Variants in PARM1 observed in about 807,000 individuals in gnomAD.
The protein encoded by PARM1 is WSC4, cell wall integrity and stress response component 4 homolog.
A neutral mutation model predicts 24.6 loss-of-function variants in PARM1; 14 were observed. The ratio of observed to expected loss-of-function variants is 0.57; its 90% CI spans 0.38 to 0.89. The LOEUF is 0.89. Among genes scored for constraint, PARM1 ranks in the 40% least tolerant of loss-of-function variants. The probability of loss-of-function intolerance (pLI) is 0.00; values close to 1 mark genes in which losing one functional copy is unlikely to be tolerated. For missense variants in PARM1, 362 were observed against 380.4 expected, an observed-to-expected ratio of 0.95 and a Z score of 0.40; for synonymous variants, 179 against 156.6, an observed-to-expected ratio of 1.14 and a Z score of -1.07.
chr4:74,997,527 C>T (rs1289009150), intron 1 of PARM1, among the ~76,000 whole-genome samples: 3 of 152,120 alleles, frequency 2.0e-5, no homozygotes, highest in Admixed American at 6.5e-5. Flanking sequence ...AGCTGCTTGA[C>T]ATTGAATTAG....
intron 1 of PARM1, among the ~76,000 whole-genome samples, chr4:74,985,780 T>G (rs1439733054): frequency 1.3e-5 from 2 of 152,180 alleles, no homozygotes; most frequent in East Asian, 3.9e-4. Flanking sequence ...GTTTTTGTTT[T>G]GTTTTTGAGA....
At chr4:75,009,883 A>G (rs1317095208) in intron 1 of PARM1, among the ~76,000 whole-genome samples, 1 of 152,244 alleles carries the variant, frequency 6.6e-6, no homozygotes, top group East Asian at 1.9e-4. Context: ...ATAAATAAAT[A>G]TGTAATTTCA....
chr4:74,990,870 A>C (rs897240198), intron 1 of PARM1, among the ~76,000 whole-genome samples: 1 of 152,178 alleles, frequency 6.6e-6, no homozygotes, highest in African/African-American at 2.4e-5. Context: ...AGCTGAAGCC[A>C]TCAGATTGGA....
intron 1 of PARM1, among the ~76,000 whole-genome samples, chr4:74,964,870 G>A (rs1402199480): frequency 6.6e-6 from 1 of 152,168 alleles, no homozygotes; most frequent in Non-Finnish European, 1.5e-5. Context: ...AAAATTACCT[G>A]TCCTTATAAG....
At chr4:74,973,630 C>T (rs1046530347) in intron 1 of PARM1, among the ~76,000 whole-genome samples, 12 of 151,980 alleles carry the variant, frequency 7.9e-5, no homozygotes, top group Non-Finnish European at 1.8e-4. Context: ...TTCCCAGGAC[C>T]CTCTTGCAGC....
chr4:74,973,802 G>T (rs1285835876), intron 1 of PARM1, among the ~76,000 whole-genome samples: 5 of 152,044 alleles, frequency 3.3e-5, no homozygotes, highest in Non-Finnish European at 7.4e-5. Context: ...AGGACACTGG[G>T]ATCCTGTATT....
chr4:74,934,612 G>T (rs1262015166), intron 1 of PARM1, among the ~76,000 whole-genome samples: 1 of 152,204 alleles, frequency 6.6e-6, no homozygotes, highest in African/African-American at 2.4e-5. Flanking sequence ...ACGCGTCCGC[G>T]GACAGTTCCC....
chr4:74,947,580 A>C (rs1216590746), intron 1 of PARM1, among the ~76,000 whole-genome samples: 2 of 152,220 alleles, frequency 1.3e-5, no homozygotes, highest in Non-Finnish European at 1.5e-5. Flanking sequence ...AATATTTTCA[A>C]TATGATAATA....
At chr4:74,975,511 A>G (rs1722126847) in intron 1 of PARM1, among the ~76,000 whole-genome samples, 1 of 152,244 alleles carries the variant, frequency 6.6e-6, no homozygotes, top group South Asian at 2.1e-4. Flanking sequence ...TTTGCCAGAA[A>G]TTTTACCAAA....
intron 1 of PARM1, among the ~76,000 whole-genome samples, chr4:74,944,925 G>A (rs1560771513): frequency 6.6e-6 from 1 of 152,140 alleles, no homozygotes; most frequent in African/African-American, 2.4e-5. Context: ...TCAAAGTCCT[G>A]TTTGTTTGCT....
At chr4:75,011,188 A>G (rs1722862463) in intron 1 of PARM1, among the ~76,000 whole-genome samples, 2 of 152,206 alleles carry the variant, frequency 1.3e-5, no homozygotes, top group Admixed American at 1.3e-4. Context: ...TGGCATTTAC[A>G]TCTCAACCTG....
At chr4:75,004,305 C>T (rs1385853462) in intron 1 of PARM1, among the ~76,000 whole-genome samples, 25 of 152,190 alleles carry the variant, frequency 1.6e-4, no homozygotes, top group Admixed American at 1.6e-3. Flanking sequence ...ATTATCAGGG[C>T]TCCTAGCCTG....
chr4:74,967,768 C>G (rs1201823938), intron 1 of PARM1: 2 of 152,146 alleles, frequency 1.3e-5, no homozygotes, highest in African/African-American at 4.8e-5. Context: ...TGTGGTTTTT[C>G]CTTGGGGAAT....
At chr4:74,988,178 A>T (rs1489784364) in intron 1 of PARM1, among the ~76,000 whole-genome samples, 1 of 152,178 alleles carries the variant, frequency 6.6e-6, no homozygotes, top group Non-Finnish European at 1.5e-5. Context: ...ACACAACTGT[A>T]GGAGAGGTGG....
chr4:75,001,036 T>A (rs1011535173), intron 1 of PARM1, among the ~76,000 whole-genome samples: 1 of 152,216 alleles, frequency 6.6e-6, no homozygotes, highest in Non-Finnish European at 1.5e-5. Flanking sequence ...TTATTTAACC[T>A]CTTTGTGCCT....
intron 1 of PARM1, among the ~76,000 whole-genome samples, chr4:74,999,966 T>C (rs1324012191): frequency 3.9e-5 from 6 of 152,164 alleles, no homozygotes; most frequent in African/African-American, 1.4e-4. Context: ...TTGTCTTTTT[T>C]TTTCCTGGAT....
chr4:74,974,691 T>C (rs1722105681), intron 1 of PARM1, among the ~76,000 whole-genome samples: 1 of 152,184 alleles, frequency 6.6e-6, no homozygotes, highest in Non-Finnish European at 1.5e-5. Flanking sequence ...ATGAACTGAA[T>C]TGTATTCCCT....
At chr4:74,979,978 A>C (rs964301919) in intron 1 of PARM1, among the ~76,000 whole-genome samples, 1 of 152,196 alleles carries the variant, frequency 6.6e-6, no homozygotes, top group Non-Finnish European at 1.5e-5. Context: ...CAAAATAATA[A>C]GAGCCATTTA....
intron 1 of PARM1, among the ~76,000 whole-genome samples, chr4:74,944,702 C>T (rs147776250): frequency 8.5e-5 from 13 of 152,184 alleles, no homozygotes; most frequent in African/African-American, 2.9e-4. Context: ...CAAGTGAAAA[C>T]GGTTCCATCA....
Sources: gnomAD v4.1 joint callset for allele counts (sites outside exome capture counted in the v4.1 genomes callset) on GRCh38, gnomAD v4.1.1 for gene constraint, MANE v1.5 for transcripts, NCBI Gene and HGNC (gene_info 2026-07-23, HGNC 2026-07-21) for gene names.